The following RAPGEF5 variants were observed in gnomAD, a reference collection of about 807,000 sequenced individuals.
The protein encoded by RAPGEF5 is Rap guanine nucleotide exchange factor 5.
A neutral mutation model predicts 125.2 loss-of-function variants in RAPGEF5; 65 were observed. The observed-to-expected ratio is 0.52, with a 90% CI of 0.43 to 0.64. The LOEUF is 0.64. Ranked by LOEUF, RAPGEF5 falls within the 30% of genes least tolerant of loss-of-function variation. The pLI is 0.00. For missense variants in RAPGEF5, 958 were observed against 1,048.1 expected, an observed-to-expected ratio of 0.91 and a Z score of 1.19; for synonymous variants, 391 against 385.9, an observed-to-expected ratio of 1.01 and a Z score of -0.16.
chr7:22,260,922 T>C (rs1259019794), intron 7 of RAPGEF5, among the ~76,000 whole-genome samples: 1 of 152,158 alleles, frequency 6.6e-6, no homozygotes, highest in East Asian at 1.9e-4. Context: ...AGACCAGAAA[T>C]AAATCCAAGC....
chr7:22,227,417 T>C (rs1785944887), intron 8 of RAPGEF5, among the ~76,000 whole-genome samples: 1 of 152,196 alleles, frequency 6.6e-6, no homozygotes, highest in South Asian at 2.1e-4. Context: ...GTATAACAAA[T>C]AATTATTATC....
At chr7:22,141,714 G>C (rs1489146360) in intron 20 of RAPGEF5, among the ~76,000 whole-genome samples, 2 of 152,228 alleles carry the variant, frequency 1.3e-5, no homozygotes, top group Non-Finnish European at 1.5e-5. Context: ...GCCTCCACTG[G>C]GCATGGTCTG....
chr7:22,195,569 T>C (rs1302671069), intron 9 of RAPGEF5, among the ~76,000 whole-genome samples: 1 of 152,174 alleles, frequency 6.6e-6, no homozygotes, highest in Non-Finnish European at 1.5e-5. Context: ...TGGATATTCA[T>C]TGTGAAACTC....
At chr7:22,345,067 C>G (rs957527811) in intron 1 of RAPGEF5, among the ~76,000 whole-genome samples, 3 of 152,220 alleles carry the variant, frequency 2.0e-5, no homozygotes, top group African/African-American at 7.2e-5. Context: ...ACCAAAGTCT[C>G]TAAGGCTGAG....
Position 22,209,111 on chromosome 7 carries a change from T to C in RAPGEF5, c.996+10755A>G, listed in dbSNP as rs79652955. On this transcript the variant is annotated intron_variant, in intron 9 of 25. Transcript: ENST00000665637. ...GGATGGAAATGGGATCTACTGACAA[T>C]TGAGATAAAGGTCAGAGGTGATTGC... Among the ~76,000 whole-genome samples, 337 of 152,282 alleles carry C rather than the reference T, an allele frequency of 2.2e-3. 1 individual carries two copies. The highest frequency in any genetic ancestry group is 7.6e-3 in the African/African-American group (314 of 41,556).
At chr7:22,290,474 G>A (rs377406488) in intron 6 of RAPGEF5, among the ~76,000 whole-genome samples, 2 of 152,148 alleles carry the variant, frequency 1.3e-5, no homozygotes, top group Non-Finnish European at 2.9e-5. Flanking sequence ...GGCCGGGCGC[G>A]GTGGCTCACG....
At chr7:22,298,898 G>T (rs543993563) in intron 5 of RAPGEF5, among the ~76,000 whole-genome samples, 1 of 152,168 alleles carries the variant, frequency 6.6e-6, no homozygotes, top group African/African-American at 2.4e-5. Flanking sequence ...TCACATAGTT[G>T]TTCATAATAT....
intron 7 of RAPGEF5, among the ~76,000 whole-genome samples, chr7:22,249,220 C>A (rs1000440149): frequency 6.6e-6 from 1 of 152,164 alleles, no homozygotes; most frequent in Non-Finnish European, 1.5e-5. Flanking sequence ...AAGATGGAAT[C>A]TCACTCTGCC....
chr7:22,172,120 T>A (rs1784368184), intron 11 of RAPGEF5, among the ~76,000 whole-genome samples: 1 of 152,136 alleles, frequency 6.6e-6, no homozygotes, highest in East Asian at 1.9e-4. Context: ...GCTACTATTT[T>A]AATTTTTGGG....
At chr7:22,338,419 T>C (rs1183299309) in intron 1 of RAPGEF5, among the ~76,000 whole-genome samples, 3 of 152,234 alleles carry the variant, frequency 2.0e-5, no homozygotes, top group African/African-American at 7.2e-5. Context: ...TCTAACACTA[T>C]AGTTACACTA....
chr7:22,154,362 A>T, intron 17 of RAPGEF5, 93 bp downstream of exon 17: 2 of 1,407,660 alleles, frequency 1.4e-6, no homozygotes, highest in Non-Finnish European at 1.9e-6. Flanking sequence ...CCCAGAAGGG[A>T]GGAGCTGCAC....
intron 9 of RAPGEF5, among the ~76,000 whole-genome samples, chr7:22,195,177 T>C (rs1400646754): frequency 3.3e-5 from 5 of 152,166 alleles, no homozygotes; most frequent in African/African-American, 1.2e-4. Flanking sequence ...TGAAAGAGGA[T>C]ATCCCCACCC....
chr7:22,273,133 C>T (rs2128143125), intron 6 of RAPGEF5, among the ~76,000 whole-genome samples: 1 of 151,930 alleles, frequency 6.6e-6, no homozygotes, highest in Non-Finnish European at 1.5e-5. Flanking sequence ...GTCATCACAT[C>T]AAAGAGGTGT....
rs368086976 is a variant in RAPGEF5, at chr7:22,155,690, G to T, written c.1637-1086C>A. 4.6e-5 allele frequency among the ~76,000 whole-genome samples: 7 copies of T among 152,318 alleles called. No homozygotes were observed. In the South Asian group the frequency reaches 8.3e-4, roughly 18 times the overall value. ...GGTTGGGTACGTCACTAAAACAACA[G>T]CATGTAACAAATAGTTGTTTTGTAT... On this transcript the variant is annotated intron_variant, in intron 16 of 25. Transcript: ENST00000665637.
chr7:22,176,127 C>T (rs939918885), intron 11 of RAPGEF5, among the ~76,000 whole-genome samples: 3 of 152,150 alleles, frequency 2.0e-5, no homozygotes, highest in East Asian at 1.9e-4. Context: ...ATGGTGTGTG[C>T]GTGTCAAAGG....
At chr7:22,261,222 CTAT>C (rs1782148227) in intron 7 of RAPGEF5, among the ~76,000 whole-genome samples, 2 of 151,964 alleles carry the variant, frequency 1.3e-5, no homozygotes, top group African/African-American at 2.4e-5. Context: ...TCAGGTTCTT[CTAT>C]TATTATTTAC....
intron 3 of RAPGEF5, chr7:22,314,609 C>T (rs1480112140): frequency 1.0e-6 from 1 of 980,760 alleles, no homozygotes; most frequent in East Asian, 1.1e-4. Context: ...CCTCTTCTTA[C>T]TCTTGATGGG....
At chr7:22,269,948 T>A in intron 6 of RAPGEF5, among the ~76,000 whole-genome samples, 1 of 152,156 alleles carries the variant, frequency 6.6e-6, no homozygotes, top group East Asian at 1.9e-4. Flanking sequence ...ACAAACCTTC[T>A]GAAAGGTCGA....
chr7:22,166,367 T>C (rs972318778), intron 12 of RAPGEF5, among the ~76,000 whole-genome samples: 5 of 152,168 alleles, frequency 3.3e-5, no homozygotes, highest in African/African-American at 4.8e-5. Flanking sequence ...TTAAAATGCG[T>C]CTGAATACAT....
Sources: gnomAD v4.1 joint callset for allele counts (sites outside exome capture counted in the v4.1 genomes callset) on GRCh38, gnomAD v4.1.1 for gene constraint, MANE v1.5 for transcripts, NCBI Gene and HGNC (gene_info 2026-07-23, HGNC 2026-07-21) for gene names.